EYA4: variants seen among roughly 807,000 people sequenced by gnomAD.
EYA4 encodes the protein EYA transcriptional coactivator and phosphatase 4, also known as protein phosphatase EYA4.
Under a neutral mutation model 87.9 loss-of-function variants are expected in EYA4, and 31 were observed. That is an observed-to-expected ratio of 0.35 (90% CI 0.27 to 0.48). The LOEUF (loss-of-function observed/expected upper bound fraction) is 0.48. EYA4 is among the 20% of genes least tolerant of loss of function. The pLI is 0.99. For missense variants in EYA4, 678 were observed against 761.4 expected (o/e 0.89, Z 1.29); for synonymous variants, 263 against 270.6 (o/e 0.97, Z 0.28).
chr6:133,296,832 G>A (rs912020815), intron 2 of EYA4, among the ~76,000 whole-genome samples: 2 of 151,806 alleles, frequency 1.3e-5, no homozygotes, highest in Non-Finnish European at 1.5e-5. Flanking sequence ...TTTACCAATC[G>A]TCTTGTTCAA....
Position 133,293,577 on chromosome 6 carries a change from A to G in EYA4, c.33+18764A>G, listed in dbSNP as rs112476167. Among the ~76,000 whole-genome samples, 488 of 152,252 alleles carry G rather than the reference A, an allele frequency of 3.2e-3. 2 individuals carry two copies. The highest frequency in any genetic ancestry group is 0.011 in the African/African-American group (450 of 41,552). ...CTGCTCTGAACCTCTTTCCTCGTCT[A>G]TAACCTTCATCCTGGCCTGCACTGG... On this transcript the variant is annotated intron_variant, in intron 2 of 19. Transcript: ENST00000355286.
chr6:133,308,388 A>C (rs528547466), intron 2 of EYA4, among the ~76,000 whole-genome samples: 1 of 152,360 alleles, frequency 6.6e-6, no homozygotes, highest in Middle Eastern at 3.4e-3. Context: ...AGTAATTAAA[A>C]AAAACTTCAA....
intron 19 of EYA4, among the ~76,000 whole-genome samples, chr6:133,526,714 A>G (rs988142913): frequency 2.6e-5 from 4 of 152,144 alleles, no homozygotes; most frequent in Admixed American, 6.6e-5. Flanking sequence ...ATTGCTGACT[A>G]CTACTTCAAA....
At chr6:133,496,554 A>G (rs1797663044) in intron 13 of EYA4, among the ~76,000 whole-genome samples, 1 of 152,214 alleles carries the variant, frequency 6.6e-6, no homozygotes. Flanking sequence ...GAGCTTGCTC[A>G]GAATACAGCC....
At chr6:133,289,671 A>G (rs1190036468) in intron 2 of EYA4, among the ~76,000 whole-genome samples, 1 of 152,176 alleles carries the variant, frequency 6.6e-6, no homozygotes, top group African/African-American at 2.4e-5. Flanking sequence ...CTATGTTCAT[A>G]AATATGATTG....
At chr6:133,507,564 C>G (rs1562499595) in intron 14 of EYA4, among the ~76,000 whole-genome samples, 3 of 152,052 alleles carry the variant, frequency 2.0e-5, no homozygotes, top group African/African-American at 7.2e-5. Flanking sequence ...TGTGGTGTTC[C>G]CCTCCCTGTG....
At chr6:133,357,922 A>ATAT (rs1273181126) in intron 2 of EYA4, among the ~76,000 whole-genome samples, 5 of 151,712 alleles carry the variant, frequency 3.3e-5, no homozygotes, top group Non-Finnish European at 7.4e-5. Context: ...ATATAATATG[A>ATAT]AATATATATT....
intron 13 of EYA4, among the ~76,000 whole-genome samples, chr6:133,483,319 G>A (rs1796385821): frequency 6.6e-6 from 1 of 151,920 alleles, no homozygotes; most frequent in East Asian, 1.9e-4. Context: ...TGAATTCCTT[G>A]CTATTTCTTC....
chr6:133,321,059 G>A (rs561111905), intron 2 of EYA4, among the ~76,000 whole-genome samples: 5 of 152,178 alleles, frequency 3.3e-5, no homozygotes, highest in East Asian at 1.9e-4. Context: ...ATTGTCTTCC[G>A]CCTAGGACAC....
chr6:133,247,571 T>A (rs2128225269), intron 1 of EYA4: 1 of 152,358 alleles, frequency 6.6e-6, no homozygotes, highest in Middle Eastern at 3.4e-3. Context: ...GGTTATCGCA[T>A]GTGTAAGGTT....
At chr6:133,305,100 G>A (rs897174028) in intron 2 of EYA4, among the ~76,000 whole-genome samples, 34 of 152,134 alleles carry the variant, frequency 2.2e-4, no homozygotes, top group Admixed American at 2.0e-3. Context: ...AGAGAAGAGC[G>A]TTTTGGAGGG....
intron 3 of EYA4, among the ~76,000 whole-genome samples, chr6:133,437,802 A>C (rs762360326): frequency 1.4e-4 from 22 of 152,174 alleles, no homozygotes; most frequent in Admixed American, 5.9e-4. Context: ...GTGAGAACTC[A>C]CTCACTATCT....
At chr6:133,413,881 T>C (rs79619857) in intron 3 of EYA4, among the ~76,000 whole-genome samples, 8,350 of 152,284 alleles carry the variant, frequency 0.055, 681 homozygotes, top group African/African-American at 0.17. Context: ...TCTTTTCTTC[T>C]TATCTTGGTG....
intron 13 of EYA4, among the ~76,000 whole-genome samples, chr6:133,490,467 G>C (rs185185144): frequency 2.0e-5 from 3 of 151,044 alleles, no homozygotes; most frequent in Non-Finnish European, 2.9e-5. Flanking sequence ...AAGGCACACA[G>C]AGACTGAAAA....
At chr6:133,480,206 A>G (rs1186733083) in intron 11 of EYA4, among the ~76,000 whole-genome samples, 1 of 152,178 alleles carries the variant, frequency 6.6e-6, no homozygotes, top group Non-Finnish European at 1.5e-5. Flanking sequence ...GACTGATCGG[A>G]GTGATTCTAG....
chr6:133,362,958 T>A (rs1343336326), intron 2 of EYA4, among the ~76,000 whole-genome samples: 1 of 152,202 alleles, frequency 6.6e-6, no homozygotes, highest in East Asian at 1.9e-4. Context: ...TGGGAAACTC[T>A]GGCGAGGGCA....
intron 2 of EYA4, among the ~76,000 whole-genome samples, chr6:133,293,431 A>C (rs1778650734): frequency 6.6e-6 from 1 of 152,150 alleles, no homozygotes; most frequent in Non-Finnish European, 1.5e-5. Context: ...TCTCAGAAAC[A>C]CTTGATGACT....
At chr6:133,260,327 T>C (rs2128241539) in intron 1 of EYA4, among the ~76,000 whole-genome samples, 1 of 152,296 alleles carries the variant, frequency 6.6e-6, no homozygotes, top group East Asian at 1.9e-4. Context: ...AATCTCTGCC[T>C]CCTGGGTTCA....
chr6:133,386,284 A>G (rs1786740247), intron 3 of EYA4, among the ~76,000 whole-genome samples: 1 of 152,128 alleles, frequency 6.6e-6, no homozygotes, highest in Admixed American at 6.5e-5. Flanking sequence ...TTGACTCATC[A>G]CCGAAAATAC....
Sources: allele counts gnomAD v4.1 joint callset (sites outside exome capture counted in the v4.1 genomes callset), GRCh38; gene constraint gnomAD v4.1.1; transcripts MANE v1.5; gene names NCBI Gene and HGNC (gene_info 2026-07-23, HGNC 2026-07-21).